SORL1: variants seen among roughly 807,000 people sequenced by gnomAD.
SORL1 encodes the protein sortilin related receptor 1.
In SORL1, 127 loss-of-function variants were observed where a neutral mutation model predicts 273.7. That is an observed-to-expected ratio of 0.46 (90% CI 0.40 to 0.54). SORL1 has a LOEUF of 0.54. Among genes scored for constraint, SORL1 ranks in the 20% least tolerant of loss-of-function variants. The pLI is 0.00. For synonymous variants in SORL1, 1,031 were observed against 1,067.4 expected, an observed-to-expected ratio of 0.97 and a Z score of 0.66; for missense variants, 2,494 against 2,846.1, an observed-to-expected ratio of 0.88 and a Z score of 2.81.
chr11:121,532,558 T>C lies in SORL1; in HGVS notation c.1685+6T>C, dbSNP rs370553925. The C allele has an allele frequency of 6.2e-6, 10 of 1,612,538 alleles. No homozygotes were observed. The highest frequency in any genetic ancestry group is 1.7e-5 in the Admixed American group (1 of 59,984). Reference sequence around the variant, plus strand: ...ATGGAAACCAACGAGCTAAAGTAAGTGTCTCTGATGAGGCCTTTTAACATC... The same window carrying C: ...ATGGAAACCAACGAGCTAAAGTAAGCGTCTCTGATGAGGCCTTTTAACATC... On this transcript the variant is annotated splice_donor_region_variant and intron_variant, in intron 12 of 47. Transcript: ENST00000260197.
At chr11:121,508,579 G>C (rs192686845) in intron 6 of SORL1, among the ~76,000 whole-genome samples, 65 of 152,330 alleles carry the variant, frequency 4.3e-4, no homozygotes, top group African/African-American at 1.4e-3. Context: ...GACAGGTCAG[G>C]CTTTTTGGGA....
chr11:121,590,426 G>A (rs1406040394), intron 30 of SORL1: 1 of 503,446 alleles, frequency 2.0e-6, no homozygotes, highest in African/African-American at 1.9e-5. Flanking sequence ...CTCAAAGTAT[G>A]GTTTGCAACC....
Position 121,496,948 on chromosome 11 carries a change from A to G in SORL1, c.838A>G (p.Ser280Gly). 6.2e-7 allele frequency: 1 copy of G among 1,614,116 alleles called. No homozygotes were observed. The highest frequency in any genetic ancestry group is 1.7e-5 in the Admixed American group (1 of 60,010). The change falls in exon 6 of 48, where the codon AGT becomes GGT. Residue 280 changes from serine to glycine, a missense_variant. Physicochemically the swap from Ser to Gly is moderately conservative, Grantham distance 56. This residue lies in a region of SORL1 where 710 missense variants were observed against 882.5 expected (regional missense o/e 0.80). Coordinates refer to ENST00000260197, the MANE Select transcript of SORL1 (RefSeq NM_003105.6). ...CTCTGGCTACTCCACTGTCTTCCGA[A>G]GTACAGATTTCTTCCAGTCCCGGGA... is the stretch of plus-strand genomic sequence containing the variant. ...EPSGYSTVFRSTDFFQSRENQ... is the reference protein window; with the variant it reads ...EPSGYSTVFRGTDFFQSRENQ...
In SORL1 at chr11:121,583,563, A is replaced by G; in HGVS notation, c.3686A>G (p.Asp1229Gly). 1 of 1,610,914 alleles carries G rather than the reference A, an allele frequency of 6.2e-7. No homozygotes were observed. Reference sequence around the variant, plus strand: ...GATACGGACTGCCAGGATGGTTCCGATGAGGATCCAGTCAACTGTGGTAAA... The same window carrying G: ...GATACGGACTGCCAGGATGGTTCCGGTGAGGATCCAGTCAACTGTGGTAAA... ...DGDTDCQDGS[D>G]EDPVNCEKKC... Residue 1229 changes from aspartate (D) to glycine (G), a missense_variant, in exon 26 of 48, where the codon GAT (aspartate) becomes GGT (glycine). Physicochemically the swap from Asp to Gly is moderately conservative, Grantham distance 94. This residue lies in a region of SORL1 where 1,609 missense variants were observed against 1,816.4 expected (regional missense o/e 0.89). Transcript: ENST00000260197.
At position 121,588,108 on chromosome 11, in the gene SORL1, G is replaced by T. The variant is rs1863148203; in HGVS notation, c.3903G>T (p.Gln1301His). ...FHSMVCDGII[Q>H]CRDGSDEDAA... ...CCATGGTCTGTGACGGAATCATCCA[G>T]TGCCGCGACGGGTCCGATGAGGATG... Residue 1301 changes from glutamine (Q) to histidine (H), a missense_variant, in exon 28 of 48, where the codon CAG becomes CAT. Gln to His is a conservative substitution (Grantham distance 24). Transcript: ENST00000260197. The T allele has an allele frequency of 6.2e-7, 1 of 1,613,820 alleles. No individual in the cohort carries two copies. Among genetic ancestry groups the T allele is most frequent in the Non-Finnish European group, 8.5e-7 (1 of 1,179,884 alleles).
intron 32 of SORL1, among the ~76,000 whole-genome samples, chr11:121,599,061 A>T (rs1863345386): frequency 6.6e-6 from 1 of 152,032 alleles, no homozygotes; most frequent in Admixed American, 6.6e-5. Flanking sequence ...TAGTTTAGGA[A>T]AATCATAAGG....
chr11:121,470,088 G>C lies in SORL1; in HGVS notation c.367G>C (p.Asp123His), dbSNP rs1224730473. 1 of 1,614,154 alleles carries C rather than the reference G, an allele frequency of 6.2e-7. No homozygotes were observed. Among genetic ancestry groups the C allele is most frequent in the Non-Finnish European group, 8.5e-7 (1 of 1,179,978 alleles). Residue 123 changes from aspartate (D) to histidine (H), a missense_variant, in exon 2 of 48, where the codon GAT becomes CAT. By Grantham distance (81) the Asp-to-His change is moderately conservative (BLOSUM62 -1). Around this residue, in one of 3 missense-constraint regions of SORL1, gnomAD observed 710 missense variants for 882.5 expected, o/e 0.80. Transcript: ENST00000260197. ...CAACGTGATCGTGGCCTTGGCCCGAGATAGCCTGGCATTGGCGAGGCCCAA... is the reference window on the plus strand; with the variant it reads ...CAACGTGATCGTGGCCTTGGCCCGACATAGCCTGGCATTGGCGAGGCCCAA... ...KSNVIVALAR[D>H]SLALARPKSS...
chr11:121,565,649 A>G (rs150444279), intron 21 of SORL1, among the ~76,000 whole-genome samples: 32 of 152,304 alleles, frequency 2.1e-4, no homozygotes, highest in Middle Eastern at 3.4e-3. Flanking sequence ...TCCCATTTTC[A>G]TGATTAATAA....
intron 11 of SORL1, among the ~76,000 whole-genome samples, chr11:121,525,408 T>C (rs1862106407): frequency 6.6e-6 from 1 of 152,252 alleles, no homozygotes; most frequent in South Asian, 2.1e-4. Context: ...ATATAGCTGT[T>C]ATGAACATTC....
intron 1 of SORL1, among the ~76,000 whole-genome samples, chr11:121,461,962 A>G (rs941636460): frequency 6.6e-6 from 1 of 152,226 alleles, no homozygotes; most frequent in African/African-American, 2.4e-5. Context: ...TTTGATTCTT[A>G]CGACAATCTT....
intron 33 of SORL1, 69 bp from the exon 34 acceptor site, chr11:121,605,044 T>C: frequency 7.0e-7 from 1 of 1,422,568 alleles, no homozygotes; most frequent in African/African-American, 1.4e-5. Flanking sequence ...GTGCTAGGAT[T>C]ACAGGCGTGA....
At chr11:121,535,535 G>A (rs750073494) in intron 12 of SORL1, among the ~76,000 whole-genome samples, 5 of 152,140 alleles carry the variant, frequency 3.3e-5, no homozygotes, top group Non-Finnish European at 4.4e-5. Flanking sequence ...TGGGAGGAGG[G>A]GGTTGTTTGA....
chr11:121,545,449 C>A lies in SORL1; in HGVS notation c.2051+20C>A. ...TGAGTGGTCAGTTCTTCTTTGATGG[C>A]TGGGGACTGAGTTGTGTTTTATTCA... On this transcript the variant is annotated intron_variant, in intron 14 of 47. Transcript: ENST00000260197. 6.2e-7 allele frequency: 1 copy of A among 1,611,390 alleles called. No individual in the cohort carries two copies. Among genetic ancestry groups the A allele is most frequent in the Non-Finnish European group, 8.5e-7 (1 of 1,178,044 alleles).
chr11:121,576,080 C>A (rs555922990), intron 24 of SORL1, among the ~76,000 whole-genome samples: 1 of 152,346 alleles, frequency 6.6e-6, no homozygotes, highest in South Asian at 2.1e-4. Flanking sequence ...TTGGGCCCCA[C>A]GCTTGGCTGC....
At chr11:121,524,794 C>T (rs151096791) in intron 11 of SORL1, among the ~76,000 whole-genome samples, 252 of 151,966 alleles carry the variant, frequency 1.7e-3, no homozygotes, top group Non-Finnish European at 2.8e-3. Context: ...GATGAAGGCA[C>T]AGTACACTGC....
In SORL1 at chr11:121,614,877, A is replaced by C. The variant is rs117725215; in HGVS notation, c.5426A>C (p.Asn1809Thr). Residue 1809 changes from asparagine to threonine, a missense_variant, in exon 41 of 48, where the codon AAT becomes ACT. By Grantham distance (65) the Asn-to-Thr change is moderately conservative. Transcript: ENST00000260197. ...RGSILSHKVG[N>T]LTAHTSYEIS... The stretch of plus-strand genomic sequence containing the variant: ...CCTTTTCCTGTTTTCACAGTTGGCA[A>C]TCTGACAGCTCATACATCCTATGAG... The C allele has an allele frequency of 1.9e-6, 3 of 1,611,984 alleles. No homozygotes were observed. Among genetic ancestry groups the C allele is most frequent in the African/African-American group, 1.3e-5 (1 of 74,802 alleles).
chr11:121,632,021 C>T lies in SORL1; in HGVS notation c.*2458C>T, dbSNP rs1282864823. ...ACAAATGCCTTGTACTACAGGCAGC[C>T]TCTGAAGGTGACCACATAACTGTCT... On this transcript the variant is annotated 3_prime_UTR_variant, in exon 48 of 48. Coordinates refer to ENST00000260197, the MANE Select transcript of SORL1 (RefSeq NM_003105.6). The T allele has an allele frequency of 2.0e-5, 3 of 152,202 alleles. No individual in the cohort carries two copies. The highest frequency in any genetic ancestry group is 7.2e-5 in the African/African-American group (3 of 41,446). 9.4% of individuals were successfully genotyped at this position (152,202 alleles called of 1,614,324 possible). A position where few individuals can be genotyped will look rare whatever the true frequency, so the allele number is the denominator to read the frequency against.
chr11:121,609,343 G>T (rs1863526017), intron 38 of SORL1: 1 of 152,216 alleles, frequency 6.6e-6, no homozygotes, highest in South Asian at 2.1e-4. Flanking sequence ...ATGCTTGCAG[G>T]TATTAGAGAA....
chr11:121,589,615 T>C (rs12272618), intron 29 of SORL1, among the ~76,000 whole-genome samples: 11,719 of 152,172 alleles, frequency 0.077, 1,071 homozygotes, highest in African/African-American at 0.22. Flanking sequence ...TTCCTTTCTG[T>C]GGTTGGGAAG....
Sources: allele counts gnomAD v4.1 joint callset (sites outside exome capture counted in the v4.1 genomes callset), GRCh38; gene constraint gnomAD v4.1.1; regional missense constraint gnomAD v4.1.1; transcripts MANE v1.5; gene names NCBI Gene and HGNC (gene_info 2026-07-23, HGNC 2026-07-21).